ZMYND11: variants seen among roughly 807,000 people sequenced by gnomAD.
The protein encoded by ZMYND11 is zinc finger MYND-type containing 11, also known as zinc finger MYND domain-containing protein 11.
In ZMYND11, 9 loss-of-function variants were observed where a neutral mutation model predicts 84.9. The ratio of observed to expected loss-of-function variants is 0.11; its 90% CI spans 0.06 to 0.18. The LOEUF is 0.18. Ranked by LOEUF, ZMYND11 falls within the 10% of genes least tolerant of loss-of-function variation. The pLI, the probability that ZMYND11 is intolerant of heterozygous loss-of-function variation, is 1.00. For missense variants in ZMYND11, 409 were observed against 761.0 expected, an observed-to-expected ratio of 0.54 and a Z score of 5.44; for synonymous variants, 250 against 244.1, an observed-to-expected ratio of 1.02 and a Z score of -0.23.
At chr10:242,258 ATT>A in intron 10 of ZMYND11, 119 bp downstream of exon 10, 1 of 1,368,216 alleles carries the variant, frequency 7.3e-7, no homozygotes, top group Non-Finnish European at 1.0e-6. Flanking sequence ...AAAAAAACAC[ATT>A]ATGCATCCAA....
intron 3 of ZMYND11, among the ~76,000 whole-genome samples, chr10:217,538 T>C: frequency 6.6e-6 from 1 of 151,474 alleles, no homozygotes; most frequent in Middle Eastern, 3.4e-3. Flanking sequence ...AAAATTGTTG[T>C]GAAATACAGA....
intron 3 of ZMYND11, among the ~76,000 whole-genome samples, chr10:216,782 G>C (rs1313732229): frequency 6.6e-6 from 1 of 151,826 alleles, no homozygotes; most frequent in African/African-American, 2.4e-5. Context: ...ACTCTTTTAA[G>C]TTTATTATGA....
intron 13 of ZMYND11, 38 bp downstream of exon 13, chr10:248,646 C>T (rs374715180): frequency 8.3e-6 from 13 of 1,559,760 alleles, no homozygotes; most frequent in African/African-American, 8.1e-5. Flanking sequence ...CTGCTGCAGC[C>T]GGCACTCCTG....
At chr10:158,662 C>A (rs11250537) in intron 1 of ZMYND11, among the ~76,000 whole-genome samples, 4 of 149,358 alleles carry the variant, frequency 2.7e-5, no homozygotes, top group African/African-American at 9.9e-5. Flanking sequence ...CTCAAGTGAT[C>A]TGCCTTCTTC....
intron 1 of ZMYND11, among the ~76,000 whole-genome samples, chr10:144,292 C>T (rs1290861816): frequency 6.6e-6 from 1 of 152,124 alleles, no homozygotes; most frequent in African/African-American, 2.4e-5. Context: ...CATAACTGCT[C>T]ACTGCAGCCT....
chr10:251,188 T>C (rs1257023651), intron 14 of ZMYND11, among the ~76,000 whole-genome samples: 6 of 152,092 alleles, frequency 3.9e-5, no homozygotes, highest in South Asian at 4.2e-4. Flanking sequence ...AAGGGAGAAA[T>C]TGAAAACGAA....
At chr10:170,739 A>C (rs1845133978) in intron 1 of ZMYND11, among the ~76,000 whole-genome samples, 1 of 152,172 alleles carries the variant, frequency 6.6e-6, no homozygotes, top group African/African-American at 2.4e-5. Flanking sequence ...TAGAATGCTC[A>C]ACTAAAACCA....
intron 4 of ZMYND11, among the ~76,000 whole-genome samples, chr10:223,840 T>G (rs12221378): frequency 0.24 from 36,299 of 152,036 alleles, 5,622 homozygotes; most frequent in East Asian, 0.48. Context: ...AGTAAAGCCG[T>G]TTTTTAGGAG....
intron 2 of ZMYND11, among the ~76,000 whole-genome samples, chr10:201,597 C>CACACACACACACACACACACACACACAT (rs1943162806): frequency 6.7e-6 from 1 of 149,872 alleles, no homozygotes. Flanking sequence ...CACACACACA[C>CACACACACACACACACACACACACACAT]ACACACACAT....
chr10:161,602 C>A (rs1434968225), intron 1 of ZMYND11, among the ~76,000 whole-genome samples: 1 of 152,184 alleles, frequency 6.6e-6, no homozygotes, highest in Non-Finnish European at 1.5e-5. Flanking sequence ...AGTGTAGCCA[C>A]CTTAATCAGT....
At chr10:233,500 A>G (rs977762440) in intron 4 of ZMYND11, among the ~76,000 whole-genome samples, 2 of 152,216 alleles carry the variant, frequency 1.3e-5, no homozygotes, top group Admixed American at 6.5e-5. Context: ...TAAACACTTA[A>G]GTAGGATATC....
intron 1 of ZMYND11, among the ~76,000 whole-genome samples, chr10:154,168 C>G (rs1417340737): frequency 6.6e-6 from 1 of 152,194 alleles, no homozygotes; most frequent in African/African-American, 2.4e-5. Flanking sequence ...TGGCCTCATA[C>G]ACAGATTAGC....
chr10:132,826 C>A (rs369986487), upstream of ZMYND11, among the ~76,000 whole-genome samples: 7 of 152,112 alleles, frequency 4.6e-5, no homozygotes, highest in East Asian at 9.6e-4. Context: ...ACGTCTTGGT[C>A]CTGCAGAGAC....
intron 2 of ZMYND11, among the ~76,000 whole-genome samples, chr10:187,218 C>T (rs1288481326): frequency 6.6e-6 from 1 of 151,548 alleles, no homozygotes; most frequent in Non-Finnish European, 1.5e-5. Context: ...AGAGTGAGAA[C>T]CTGTCTCAAA....
chr10:168,869 G>A (rs182158943), intron 1 of ZMYND11, among the ~76,000 whole-genome samples: 8 of 152,186 alleles, frequency 5.3e-5, no homozygotes, highest in African/African-American at 1.9e-4. Flanking sequence ...TTGATGAATC[G>A]CTAGATGCCC....
chr10:139,250 C>T (rs754040365), intron 1 of ZMYND11, among the ~76,000 whole-genome samples: 3 of 152,178 alleles, frequency 2.0e-5, no homozygotes, highest in Non-Finnish European at 4.4e-5. Context: ...ATCTGGCACT[C>T]TGTCCATAAC....
chr10:177,770 A>G (rs1846980541), intron 1 of ZMYND11, among the ~76,000 whole-genome samples: 1 of 152,142 alleles, frequency 6.6e-6, no homozygotes, highest in South Asian at 2.1e-4. Context: ...CTATACCTAT[A>G]TGTATTATTC....
rs546015264 is a variant in ZMYND11, at chr10:212,691, G to A, written c.276+2643G>A. 1.1e-4 allele frequency among the ~76,000 whole-genome samples: 16 copies of A among 150,904 alleles called. No homozygotes were observed. The South Asian group carries it at 1.3e-3, about 12-fold the overall frequency. ...TTAAATGAGATTATCTACATAAAGTGTATAACCAGGTACTCAAAGCAAGTT... is the reference window on the plus strand; with the variant it reads ...TTAAATGAGATTATCTACATAAAGTATATAACCAGGTACTCAAAGCAAGTT... On this transcript the variant is annotated intron_variant, in intron 3 of 14. Coordinates refer to ENST00000381604, the MANE Select transcript of ZMYND11 (RefSeq NM_001370100.5).
rs138745948 is a variant in ZMYND11, at chr10:238,902, C to G, written c.610-536C>G. Among the ~76,000 whole-genome samples the G allele has an allele frequency of 4.9e-3, 752 of 152,270 alleles. 4 individuals are homozygous for G. The highest frequency in any genetic ancestry group is 0.017 in the African/African-American group (723 of 41,560). Reference sequence around the variant, plus strand: ...ATGCAGGTTCCTTCCTGTTGAAATCCTCTAAGATTTGTCACAGACAGGGAC... The same window carrying G: ...ATGCAGGTTCCTTCCTGTTGAAATCGTCTAAGATTTGTCACAGACAGGGAC... On this transcript the variant is annotated intron_variant, in intron 6 of 14. Coordinates refer to ENST00000381604, the MANE Select transcript of ZMYND11 (RefSeq NM_001370100.5).
Sources: gnomAD v4.1 joint callset for allele counts (sites outside exome capture counted in the v4.1 genomes callset) on GRCh38, gnomAD v4.1.1 for gene constraint, MANE v1.5 for transcripts, NCBI Gene and HGNC (gene_info 2026-07-23, HGNC 2026-07-21) for gene names.